Variants in NELL2 observed in about 807,000 individuals in gnomAD.
The protein encoded by NELL2 is neural EGFL like 2.
NELL2 carries 41 observed loss-of-function variants against 109.6 expected under a neutral mutation model. The ratio of observed to expected loss-of-function variants is 0.37; its 90% confidence interval spans 0.29 to 0.49. The LOEUF is 0.49. NELL2 is among the 20% of genes least tolerant of loss of function. The pLI is 0.98. For synonymous variants in NELL2, 355 were observed against 344.7 expected (o/e 1.03, Z -0.33); for missense variants, 900 against 1,008.3 (o/e 0.89, Z 1.45).
At chr12:44,549,177 A>C (rs1048215457) in intron 15 of NELL2, among the ~76,000 whole-genome samples, 1 of 152,230 alleles carries the variant, frequency 6.6e-6, no homozygotes, top group Non-Finnish European at 1.5e-5. Flanking sequence ...GAAGTAATTA[A>C]AATAGTTATA....
At position 44,608,765 on chromosome 12, in the gene NELL2, C is replaced by A. The variant is rs1470670007; in HGVS notation, c.1568-1501G>T. Among the ~76,000 whole-genome samples, 4 of 151,976 alleles carry A rather than the reference C, an allele frequency of 2.6e-5. No individual in the cohort carries two copies. The East Asian group carries it at 5.8e-4, about 22-fold the overall frequency. The stretch of plus-strand genomic sequence containing the variant: ...CTTAAGCCTAAGCAAACTCTCAGAA[C>A]CTTCAGGTGATTTGGGGGAAGTCCT... On this transcript the variant is annotated intron_variant, in intron 14 of 19. Transcript: ENST00000429094.
At chr12:44,684,667 C>G (rs530212284) in intron 12 of NELL2, among the ~76,000 whole-genome samples, 1 of 152,140 alleles carries the variant, frequency 6.6e-6, no homozygotes, top group East Asian at 1.9e-4. Flanking sequence ...GCCTTCATTT[C>G]GTTATGTACC....
At chr12:44,601,230 C>G (rs1178544326) in intron 15 of NELL2, among the ~76,000 whole-genome samples, 3 of 152,148 alleles carry the variant, frequency 2.0e-5, no homozygotes, top group Non-Finnish European at 4.4e-5. Flanking sequence ...ACAAAAGAGT[C>G]TGAAAAATTT....
rs1429852733 is a variant in NELL2 at position 44,695,043 on chromosome 12, G to GA, written c.1318+8682dup. On this transcript the variant is annotated intron_variant, in intron 12 of 19. Coordinates refer to ENST00000429094, the MANE Select transcript of NELL2 (RefSeq NM_001145108.2). ...GGGTAAAAGGAAAAAATGAAGGAAGGAAGAAAGGAAGGAAGGAAGAGAGGG... is the reference window on the plus strand; with the variant it reads ...GGGTAAAAGGAAAAAATGAAGGAAGGAAAGAAAGGAAGGAAGGAAGAGAGGG... 2.1e-5 allele frequency among the ~76,000 whole-genome samples: 3 copies of GA among 142,534 alleles called. No individual in the cohort carries two copies. The South Asian group carries it at 6.8e-4, about 32-fold the overall frequency. The allele number at this position is 142,534 out of a possible 152,430, so 93.5% of individuals were successfully genotyped here.
chr12:44,825,994 A>T (rs997517634), intron 2 of NELL2, among the ~76,000 whole-genome samples: 30 of 151,974 alleles, frequency 2.0e-4, no homozygotes, highest in African/African-American at 7.2e-4. Context: ...GTGAGCCGAG[A>T]TCGCGCCATT....
At chr12:44,597,628 T>C (rs1945019472) in intron 15 of NELL2, among the ~76,000 whole-genome samples, 1 of 152,212 alleles carries the variant, frequency 6.6e-6, no homozygotes, top group Admixed American at 6.5e-5. Flanking sequence ...CTAACCTAAA[T>C]GCAAGAGTGT....
rs185803292 is a variant in NELL2, at chr12:44,857,266, A to G, written c.184+17959T>C. Among the ~76,000 whole-genome samples, 10 of 152,322 alleles carry G rather than the reference A, an allele frequency of 6.6e-5. No individual in the cohort carries two copies. The East Asian group carries it at 1.7e-3, about 26-fold the overall frequency. On this transcript the variant is annotated intron_variant, in intron 2 of 19. Transcript: ENST00000429094. ...AAATGGTGTTTTCCCTAGAGAACCT[A>G]CATTCTCATTAAAAGACAGTAAATC...
chr12:44,696,491 C>T (rs1364062735), intron 12 of NELL2, among the ~76,000 whole-genome samples: 1 of 152,074 alleles, frequency 6.6e-6, no homozygotes, highest in Non-Finnish European at 1.5e-5. Context: ...AGTTGAGGTC[C>T]TTTTAATGTG....
intron 13 of NELL2, among the ~76,000 whole-genome samples, chr12:44,644,635 T>C (rs1296382105): frequency 1.7e-4 from 22 of 131,370 alleles, no homozygotes; most frequent in African/African-American, 2.2e-4. Context: ...TACATACATA[T>C]ATATATATAT....
intron 9 of NELL2, among the ~76,000 whole-genome samples, chr12:44,739,931 A>C (rs2136493830): frequency 6.6e-6 from 1 of 152,240 alleles, no homozygotes; most frequent in Non-Finnish European, 1.5e-5. Flanking sequence ...TTATTAGAAG[A>C]CCGCATGATC....
chr12:44,810,918 T>G (rs1943153790), intron 3 of NELL2, among the ~76,000 whole-genome samples: 1 of 152,110 alleles, frequency 6.6e-6, no homozygotes, highest in Admixed American at 6.6e-5. Context: ...AAGCAGTAAA[T>G]GATATTTTAA....
At chr12:44,888,709 C>T (rs1273894493) in intron 1 of NELL2, among the ~76,000 whole-genome samples, 2 of 151,716 alleles carry the variant, frequency 1.3e-5, no homozygotes, top group Admixed American at 1.3e-4. Flanking sequence ...TTCTTATTCA[C>T]GTGTCGACAA....
chr12:44,847,430 A>G (rs1944403233), intron 2 of NELL2, among the ~76,000 whole-genome samples: 1 of 152,098 alleles, frequency 6.6e-6, no homozygotes, highest in Non-Finnish European at 1.5e-5. Flanking sequence ...AACACAGTGG[A>G]CTTGTTTCTA....
At chr12:44,567,509 T>C (rs910341315) in intron 15 of NELL2, among the ~76,000 whole-genome samples, 7 of 151,834 alleles carry the variant, frequency 4.6e-5, no homozygotes, top group African/African-American at 1.7e-4. Flanking sequence ...CCTATGGTAA[T>C]GAGAAAATGA....
At chr12:44,523,905 T>G (rs1941650917) in intron 16 of NELL2, among the ~76,000 whole-genome samples, 1 of 152,140 alleles carries the variant, frequency 6.6e-6, no homozygotes, top group African/African-American at 2.4e-5. Flanking sequence ...CCCTTCTTAG[T>G]GGGAGATGAA....
chr12:44,625,417 T>C (rs1273185065), intron 13 of NELL2, among the ~76,000 whole-genome samples: 1 of 152,250 alleles, frequency 6.6e-6, no homozygotes, highest in Non-Finnish European at 1.5e-5. Context: ...AATATATATG[T>C]TTGATGTGCA....
chr12:44,705,174 G>A (rs962448888), intron 11 of NELL2, among the ~76,000 whole-genome samples: 3 of 151,848 alleles, frequency 2.0e-5, no homozygotes, highest in East Asian at 1.9e-4. Context: ...GTGTTCATTC[G>A]ATTAGAATTC....
intron 11 of NELL2, among the ~76,000 whole-genome samples, chr12:44,707,504 T>C (rs534428258): frequency 2.0e-5 from 3 of 152,302 alleles, no homozygotes; most frequent in South Asian, 4.1e-4. Context: ...CCTCTGCTTA[T>C]TGGGCCTACA....
chr12:44,916,443 G>A (rs1243664410), upstream of NELL2, among the ~76,000 whole-genome samples: 1 of 152,074 alleles, frequency 6.6e-6, no homozygotes, highest in Admixed American at 6.6e-5. Context: ...TTTTAAAATG[G>A]AAATCATTAT....
Sources: gnomAD v4.1 joint callset for allele counts (sites outside exome capture counted in the v4.1 genomes callset) on GRCh38, gnomAD v4.1.1 for gene constraint, MANE v1.5 for transcripts, NCBI Gene and HGNC (gene_info 2026-07-23, HGNC 2026-07-21) for gene names.